The following KIF2A variants were observed in gnomAD, a reference collection of about 807,000 sequenced individuals.
KIF2A encodes kinesin family member 2A, also known as kinesin-like protein KIF2A.
KIF2A carries 22 observed loss-of-function variants against 100.2 expected under a neutral mutation model. That is an observed-to-expected ratio of 0.22 (90% CI 0.16 to 0.31). KIF2A has a LOEUF of 0.31. Among genes scored for constraint, KIF2A ranks in the 10% least tolerant of loss-of-function variants. The pLI is 1.00. For synonymous variants in KIF2A, 268 were observed against 285.9 expected (o/e 0.94, Z 0.63); for missense variants, 495 against 898.7 (o/e 0.55, Z 5.74).
At chr5:62,384,162 G>A (rs1265556951) in intron 20 of KIF2A, among the ~76,000 whole-genome samples, 3 of 152,064 alleles carry the variant, frequency 2.0e-5, no homozygotes, top group Admixed American at 6.6e-5. Flanking sequence ...ACTTGAACCC[G>A]GGGCAGGGGG....
In KIF2A at chr5:62,337,367, A is replaced by G. The variant is rs112634322; in HGVS notation, c.65-9763A>G. 3.2e-3 allele frequency among the ~76,000 whole-genome samples: 480 copies of G among 152,094 alleles called. 4 individuals carry two copies. Among genetic ancestry groups the G allele is most frequent in the African/African-American group, 0.011 (458 of 41,500 alleles). ...ATTAGCAAGGTGTGGTGGCGCGTGCATGTAATCCCAGCTATTCAGGAGGCT... is the reference window on the plus strand; with the variant it reads ...ATTAGCAAGGTGTGGTGGCGCGTGCGTGTAATCCCAGCTATTCAGGAGGCT... On this transcript the variant is annotated intron_variant, in intron 1 of 20. Transcript: ENST00000407818.
At chr5:62,336,083 A>C (rs1023961382) in intron 1 of KIF2A, among the ~76,000 whole-genome samples, 4 of 152,238 alleles carry the variant, frequency 2.6e-5, no homozygotes, top group Admixed American at 6.5e-5. Context: ...TCCCAAACAC[A>C]TAAGAGGAAA....
At position 62,373,669 on chromosome 5, in the gene KIF2A, C is replaced by T; in HGVS notation, c.1761-18C>T. On this transcript the variant is annotated intron_variant, in intron 17 of 20. Transcript: ENST00000407818. ...GCATGAGTGTTTTTAACTTTAGATA[C>T]CTCTTATGTATTTATAGGGTCAAAG... The T allele has an allele frequency of 6.2e-7, 1 of 1,602,560 alleles. No homozygotes were observed. Among genetic ancestry groups the T allele is most frequent in the Non-Finnish European group, 8.5e-7 (1 of 1,170,674 alleles).
intron 2 of KIF2A, among the ~76,000 whole-genome samples, chr5:62,347,512 A>G (rs994800408): frequency 6.6e-6 from 1 of 152,206 alleles, no homozygotes; most frequent in Non-Finnish European, 1.5e-5. Context: ...TCTATTGGTC[A>G]CTGTGTTGTT....
At chr5:62,358,099 G>T (rs751203057) in intron 8 of KIF2A, 38 bp from the exon 9 acceptor site, 1 of 1,442,702 alleles carries the variant, frequency 6.9e-7, no homozygotes, top group Admixed American at 2.6e-5. Flanking sequence ...CAAATGCTGT[G>T]AAAATTATTG....
Position 62,386,230 on chromosome 5 carries a change from T to C in KIF2A, c.*661T>C, listed in dbSNP as rs909475377. The C allele has an allele frequency of 1.3e-5, 2 of 152,688 alleles. No homozygotes were observed. Among genetic ancestry groups the C allele is most frequent in the African/African-American group, 4.8e-5 (2 of 41,460 alleles). The allele number at this position is 152,688 out of a possible 1,614,324, so 9.5% of individuals were successfully genotyped here. On this transcript the variant is annotated 3_prime_UTR_variant, in exon 21 of 21. Transcript: ENST00000407818. ...GAACTAAAGTCTGTGACAGTGGATA[T>C]AGCTGCTGGACCATTCCATCTTATA...
chr5:62,357,970 T>C (rs1748200418), intron 8 of KIF2A, among the ~76,000 whole-genome samples, 167 bp from the exon 9 acceptor site: 1 of 152,212 alleles, frequency 6.6e-6, no homozygotes, highest in African/African-American at 2.4e-5. Context: ...GTTTTTACTT[T>C]GCTGTTGAAA....
intron 1 of KIF2A, among the ~76,000 whole-genome samples, chr5:62,324,605 G>C (rs192322996): frequency 6.6e-6 from 1 of 152,252 alleles, no homozygotes; most frequent in African/African-American, 2.4e-5. Context: ...AGCAAGCAAC[G>C]GGGAAAGGAC....
chr5:62,343,522 G>C (rs1175253625), intron 1 of KIF2A, among the ~76,000 whole-genome samples: 1 of 152,148 alleles, frequency 6.6e-6, no homozygotes, highest in Non-Finnish European at 1.5e-5. Context: ...GGGCTTTGTT[G>C]TAAGTCATTA....
intron 1 of KIF2A, chr5:62,306,861 G>A: frequency 2.9e-6 from 1 of 345,542 alleles, no homozygotes. Flanking sequence ...CCCCCCCGGG[G>A]ACACCAGCCC....
In KIF2A at chr5:62,390,524, A is replaced by G. The variant is rs529125236; in HGVS notation, c.*4955A>G. 6.6e-6 allele frequency among the ~76,000 whole-genome samples: 1 copy of G among 152,276 alleles called. No homozygotes were observed. Among genetic ancestry groups the G allele is most frequent in the African/African-American group, 2.4e-5 (1 of 41,558 alleles). ...ACATGTATTATGATTTTTCTACCTTATGGACTATTTTGGAGGGATAAGCTA... is the reference window on the plus strand; with the variant it reads ...ACATGTATTATGATTTTTCTACCTTGTGGACTATTTTGGAGGGATAAGCTA... On this transcript the variant is annotated 3_prime_UTR_variant, in exon 21 of 21. Transcript: ENST00000407818.
Position 62,306,272 on chromosome 5 carries a change from T to TCCTGCCGG in KIF2A, c.-195_-188dup. On this transcript the variant is annotated 5_prime_UTR_variant, in exon 1 of 21. Coordinates refer to ENST00000407818, the MANE Select transcript of KIF2A (RefSeq NM_001098511.3). ...CCCCGACTACCCGGCGTGCGCGTCC[T>TCCTGCCGG]CCTGCCGGCCTGCAGGCCCGGGGCC... 1 of 538,188 alleles carries TCCTGCCGG rather than the reference T, an allele frequency of 1.9e-6. No homozygotes were observed. The allele number at this position is 538,188 out of a possible 1,614,324, so 33.3% of individuals were successfully genotyped here. A position where few individuals can be genotyped will look rare whatever the true frequency, so the allele number is the denominator to read the frequency against.
At position 62,348,028 on chromosome 5, in the gene KIF2A, T is replaced by C. The variant is rs1194086848; in HGVS notation, c.160-20T>C. 2 of 1,608,506 alleles carry C rather than the reference T, an allele frequency of 1.2e-6. No homozygotes were observed. Among genetic ancestry groups the C allele is most frequent in the East Asian group, 2.2e-5 (1 of 44,816 alleles). Reference sequence around the variant, plus strand: ...GTCAAAATATACTCTCAAAAGACTATGTGTATGTGTTGTGAACAGATTGAC... The same window carrying C: ...GTCAAAATATACTCTCAAAAGACTACGTGTATGTGTTGTGAACAGATTGAC... On this transcript the variant is annotated intron_variant, in intron 2 of 20. Coordinates refer to ENST00000407818, the MANE Select transcript of KIF2A (RefSeq NM_001098511.3).
intron 9 of KIF2A, among the ~76,000 whole-genome samples, chr5:62,359,466 A>G (rs1362493965): frequency 6.6e-6 from 1 of 152,036 alleles, no homozygotes; most frequent in East Asian, 1.9e-4. Flanking sequence ...GTAAAAAAAA[A>G]AAGGATCAAA....
chr5:62,375,018 C>G (rs1218852260), intron 18 of KIF2A, among the ~76,000 whole-genome samples: 1 of 152,114 alleles, frequency 6.6e-6, no homozygotes, highest in East Asian at 1.9e-4. Context: ...AATCAAACAG[C>G]AAAATACTAA....
At chr5:62,309,752 A>G (rs756749672) in intron 1 of KIF2A, among the ~76,000 whole-genome samples, 2 of 152,188 alleles carry the variant, frequency 1.3e-5, no homozygotes, top group Non-Finnish European at 2.9e-5. Context: ...TTTTCCCATC[A>G]GTGATACTCT....
intron 1 of KIF2A, among the ~76,000 whole-genome samples, chr5:62,318,707 G>C (rs1328790019): frequency 6.6e-6 from 1 of 151,802 alleles, no homozygotes. Flanking sequence ...AAGTATTGAT[G>C]TTCTTCAGGG....
chr5:62,337,489 C>CA (rs58967018), intron 1 of KIF2A, among the ~76,000 whole-genome samples: 36,191 of 145,314 alleles, frequency 0.25, 4,394 homozygotes, highest in African/African-American at 0.27. Context: ...AAGACTGTCT[C>CA]AAAAAAAAAA....
At chr5:62,372,574 G>T in intron 17 of KIF2A, 23 bp downstream of exon 17, 1 of 1,242,010 alleles carries the variant, frequency 8.1e-7, no homozygotes, top group Non-Finnish European at 1.2e-6. Context: ...CTATACATAA[G>T]ATGTTTATTT....
Sources: allele counts gnomAD v4.1 joint callset (sites outside exome capture counted in the v4.1 genomes callset), GRCh38; gene constraint gnomAD v4.1.1; transcripts MANE v1.5; gene names NCBI Gene and HGNC (gene_info 2026-07-23, HGNC 2026-07-21).